PARN: variants seen among roughly 807,000 people sequenced by gnomAD.
The protein encoded by PARN is poly(A)-specific ribonuclease PARN.
In PARN, 71 loss-of-function variants were observed where a neutral mutation model predicts 102.8. The ratio of observed to expected loss-of-function variants is 0.69; its 90% CI spans 0.57 to 0.84. The LOEUF is 0.84. Among genes scored for constraint, PARN ranks in the 40% least tolerant of loss-of-function variants. The probability of loss-of-function intolerance (pLI) is 0.00; values close to 1 mark genes in which losing one functional copy is unlikely to be tolerated. For missense variants in PARN, 782 were observed against 760.9 expected (o/e 1.03, Z -0.33); for synonymous variants, 261 against 252.9 (o/e 1.03, Z -0.30).
chr16:14,545,499 AAC>A (rs1966883853), intron 21 of PARN, among the ~76,000 whole-genome samples: 1 of 104,656 alleles, frequency 9.6e-6, no homozygotes, highest in African/African-American at 2.9e-5. Context: ...CGTATAAATA[AAC>A]AGTTAACATA....
At chr16:14,448,546 C>A (rs989624671) in intron 22 of PARN, among the ~76,000 whole-genome samples, 1 of 152,210 alleles carries the variant, frequency 6.6e-6, no homozygotes, top group Admixed American at 6.5e-5. Context: ...CCTCGGCCTC[C>A]CAAAGTGCTG....
intron 18 of PARN, among the ~76,000 whole-genome samples, chr16:14,561,513 AATG>A (rs1178668131): frequency 6.6e-5 from 10 of 152,256 alleles, no homozygotes; most frequent in African/African-American, 2.4e-4. Context: ...TATTAGTCTT[AATG>A]ATTTGTTTAT....
chr16:14,487,164 C>A (rs139682901), intron 21 of PARN, among the ~76,000 whole-genome samples: 1 of 152,214 alleles, frequency 6.6e-6, no homozygotes, highest in Non-Finnish European at 1.5e-5. Context: ...ATTTAATCTT[C>A]GGATGTTCTA....
chr16:14,526,973 A>C (rs778550363), intron 21 of PARN, among the ~76,000 whole-genome samples: 8 of 152,246 alleles, frequency 5.3e-5, no homozygotes, highest in Non-Finnish European at 5.9e-5. Flanking sequence ...CTTTGGGTCA[A>C]ACACCCTGGT....
intron 18 of PARN, among the ~76,000 whole-genome samples, chr16:14,567,008 T>C (rs1201288150): frequency 2.0e-5 from 3 of 152,216 alleles, no homozygotes; most frequent in Non-Finnish European, 4.4e-5. Flanking sequence ...AAAACCAGAC[T>C]CAAGGCTTCA....
intron 2 of PARN, among the ~76,000 whole-genome samples, chr16:14,629,222 G>C (rs1170368656): frequency 1.3e-5 from 2 of 152,158 alleles, no homozygotes; most frequent in Non-Finnish European, 2.9e-5. Context: ...CAATGTGAAT[G>C]TACTTAATGC....
chr16:14,603,608 T>C (rs1971005790), intron 11 of PARN, among the ~76,000 whole-genome samples: 1 of 151,782 alleles, frequency 6.6e-6, no homozygotes, highest in Non-Finnish European at 1.5e-5. Context: ...ATCTCCAGAT[T>C]CCATCTACAC....
At chr16:14,561,884 G>T (rs1968089419) in intron 18 of PARN, among the ~76,000 whole-genome samples, 1 of 152,254 alleles carries the variant, frequency 6.6e-6, no homozygotes, top group East Asian at 1.9e-4. Context: ...AGCCACAGTG[G>T]CTTACGCCTG....
chr16:14,618,490 T>C (rs1311744174), intron 5 of PARN, among the ~76,000 whole-genome samples: 2 of 140,490 alleles, frequency 1.4e-5, no homozygotes, highest in Admixed American at 1.4e-4. Flanking sequence ...CAAGACTCTG[T>C]CTCAAAAAAA....
intron 23 of PARN, among the ~76,000 whole-genome samples, chr16:14,440,575 CTTGA>C (rs1164485482): frequency 6.6e-6 from 1 of 152,208 alleles, no homozygotes; most frequent in Non-Finnish European, 1.5e-5. Context: ...CAGCTTGATT[CTTGA>C]TTGACAAAAA....
At chr16:14,512,400 C>G (rs565777063) in intron 21 of PARN, among the ~76,000 whole-genome samples, 2 of 152,068 alleles carry the variant, frequency 1.3e-5, no homozygotes, top group African/African-American at 4.8e-5. Flanking sequence ...GGCTGAGGCA[C>G]GAGAATTGTT....
chr16:14,549,361 C>T (rs1347162315), intron 21 of PARN, among the ~76,000 whole-genome samples: 1 of 152,156 alleles, frequency 6.6e-6, no homozygotes. Flanking sequence ...CCTCATGCTG[C>T]AGTGTGTGTC....
chr16:14,475,339 T>C (rs144993033), intron 22 of PARN, among the ~76,000 whole-genome samples: 23 of 151,362 alleles, frequency 1.5e-4, no homozygotes, highest in African/African-American at 5.5e-4. Context: ...TGAGTACCTA[T>C]TAGTGAGATC....
chr16:14,629,254 A>G (rs1166447889), intron 2 of PARN, among the ~76,000 whole-genome samples: 3 of 152,230 alleles, frequency 2.0e-5, no homozygotes, highest in African/African-American at 7.2e-5. Flanking sequence ...AAAGCCACTT[A>G]AAATGGCAAA....
chr16:14,611,225 G>C (rs1971501870), intron 6 of PARN, among the ~76,000 whole-genome samples: 1 of 152,206 alleles, frequency 6.6e-6, no homozygotes, highest in Admixed American at 6.5e-5. Context: ...CCAGAACATG[G>C]AAATGGCTTG....
intron 21 of PARN, among the ~76,000 whole-genome samples, chr16:14,501,915 A>G (rs1344036440): frequency 6.6e-6 from 1 of 152,242 alleles, no homozygotes; most frequent in African/African-American, 2.4e-5. Flanking sequence ...CGTTTCTGGA[A>G]AGAGCACAGG....
intron 18 of PARN, chr16:14,578,448 A>G (rs1279314539): frequency 1.3e-5 from 2 of 151,806 alleles, no homozygotes; most frequent in East Asian, 1.9e-4. Context: ...TGAGGTCAGG[A>G]GTTCGAGACC....
At chr16:14,454,527 C>T (rs1961597350) in intron 22 of PARN, among the ~76,000 whole-genome samples, 1 of 151,904 alleles carries the variant, frequency 6.6e-6, no homozygotes, top group South Asian at 2.1e-4. Flanking sequence ...TTTCTTCTAC[C>T]AGTGGTTATC....
At chr16:14,509,341 A>C (rs2151635531) in intron 21 of PARN, among the ~76,000 whole-genome samples, 1 of 152,350 alleles carries the variant, frequency 6.6e-6, no homozygotes, top group East Asian at 1.9e-4. Context: ...AGAAAGAACA[A>C]ACAGCGCACT....
Sources: gnomAD v4.1 joint callset for allele counts (sites outside exome capture counted in the v4.1 genomes callset) on GRCh38, gnomAD v4.1.1 for gene constraint, MANE v1.5 for transcripts, NCBI Gene and HGNC (gene_info 2026-07-23, HGNC 2026-07-21) for gene names.